Variants in GPC6 observed in about 807,000 individuals in gnomAD.
GPC6 encodes the protein glypican-6.
In GPC6, 14 loss-of-function variants were observed where a neutral mutation model predicts 55.2. That is an observed-to-expected ratio of 0.25 (90% CI 0.17 to 0.40). The LOEUF is 0.40. Among genes scored for constraint, GPC6 ranks in the 10% least tolerant of loss-of-function variants. GPC6 has a pLI of 1.00. For synonymous variants in GPC6, 278 were observed against 259.6 expected, an observed-to-expected ratio of 1.07 and a Z score of -0.68; for missense variants, 641 against 708.5, an observed-to-expected ratio of 0.90 and a Z score of 1.08.
At chr13:93,507,379 A>G (rs1273440861) in intron 1 of GPC6, among the ~76,000 whole-genome samples, 1 of 152,176 alleles carries the variant, frequency 6.6e-6, no homozygotes, top group Non-Finnish European at 1.5e-5. Context: ...CTTAGATACC[A>G]TCAACTCTTC....
At chr13:93,283,508 A>G (rs1878015734) in intron 1 of GPC6, among the ~76,000 whole-genome samples, 2 of 152,112 alleles carry the variant, frequency 1.3e-5, no homozygotes, top group Non-Finnish European at 2.9e-5. Flanking sequence ...ACAGATCTAA[A>G]CTCATATGAC....
intron 4 of GPC6, among the ~76,000 whole-genome samples, chr13:94,053,416 G>C (rs1422393818): frequency 1.3e-5 from 2 of 152,034 alleles, no homozygotes; most frequent in Admixed American, 6.6e-5. Context: ...TGAGCTTTTG[G>C]GGGCTAAAAG....
intron 1 of GPC6, among the ~76,000 whole-genome samples, chr13:93,348,899 AT>A (rs916752214): frequency 5.3e-5 from 8 of 152,104 alleles, no homozygotes; most frequent in East Asian, 1.9e-4. Context: ...AACATGGGAT[AT>A]TTTTTTCCCC....
At chr13:93,317,645 C>A (rs557563677) in intron 1 of GPC6, among the ~76,000 whole-genome samples, 5 of 152,232 alleles carry the variant, frequency 3.3e-5, no homozygotes, top group African/African-American at 9.6e-5. Context: ...AATGCTGAAC[C>A]TCTGTGGTGC....
intron 3 of GPC6, among the ~76,000 whole-genome samples, chr13:93,863,376 T>C (rs976385753): frequency 5.9e-5 from 9 of 151,758 alleles, no homozygotes; most frequent in African/African-American, 2.2e-4. Context: ...ACAATTCATG[T>C]TCACCAATTT....
At chr13:93,890,642 A>T (rs1875618791) in intron 3 of GPC6, among the ~76,000 whole-genome samples, 1 of 151,716 alleles carries the variant, frequency 6.6e-6, no homozygotes, top group African/African-American at 2.4e-5. Context: ...ATACATCAGT[A>T]ATTTGTACCA....
intron 4 of GPC6, among the ~76,000 whole-genome samples, chr13:94,180,249 C>T (rs1888942935): frequency 6.6e-6 from 1 of 152,114 alleles, no homozygotes; most frequent in Non-Finnish European, 1.5e-5. Flanking sequence ...GTTCTTAGTT[C>T]CTGGGTTCAT....
chr13:94,220,070 T>A (rs567884488), intron 4 of GPC6, among the ~76,000 whole-genome samples: 29 of 152,246 alleles, frequency 1.9e-4, no homozygotes. Context: ...GTAGGTCCAG[T>A]TTACAGCTAG....
At chr13:94,106,201 C>G (rs1043959044) in intron 4 of GPC6, among the ~76,000 whole-genome samples, 5 of 151,864 alleles carry the variant, frequency 3.3e-5, no homozygotes, top group Non-Finnish European at 7.4e-5. Context: ...GAAAGGGTAG[C>G]TCCCACGACC....
chr13:93,632,142 T>C (rs904523228), intron 2 of GPC6, among the ~76,000 whole-genome samples: 3 of 152,200 alleles, frequency 2.0e-5, no homozygotes, highest in Non-Finnish European at 4.4e-5. Context: ...GTTTAAAACA[T>C]TGGATTGCCT....
chr13:93,576,778 A>G (rs1328125144), intron 2 of GPC6, among the ~76,000 whole-genome samples: 2 of 152,196 alleles, frequency 1.3e-5, no homozygotes, highest in Non-Finnish European at 2.9e-5. Context: ...ATAATTTCAT[A>G]TAATTTCCAT....
intron 2 of GPC6, among the ~76,000 whole-genome samples, chr13:93,809,687 C>G (rs1594475986): frequency 1.3e-5 from 2 of 152,208 alleles, no homozygotes; most frequent in African/African-American, 4.8e-5. Context: ...AGGCAACTGA[C>G]AGCTGCCACC....
At chr13:94,043,080 C>T (rs986233914) in intron 4 of GPC6, among the ~76,000 whole-genome samples, 1 of 151,724 alleles carries the variant, frequency 6.6e-6, no homozygotes, top group African/African-American at 2.4e-5. Flanking sequence ...CTGACATGGT[C>T]CCCATCATTT....
intron 2 of GPC6, among the ~76,000 whole-genome samples, chr13:93,735,719 C>A (rs569968884): frequency 1.2e-4 from 18 of 152,266 alleles, no homozygotes; most frequent in African/African-American, 3.4e-4. Flanking sequence ...ATAATCACTA[C>A]CTGTAACAAG....
At chr13:94,226,643 C>G (rs117384431) in intron 4 of GPC6, among the ~76,000 whole-genome samples, 3,489 of 152,292 alleles carry the variant, frequency 0.023, 70 homozygotes, top group Non-Finnish European at 0.036. Context: ...ACATACATCA[C>G]AGTGGCCTCC....
At chr13:93,660,112 G>A (rs1880861582) in intron 2 of GPC6, among the ~76,000 whole-genome samples, 1 of 151,892 alleles carries the variant, frequency 6.6e-6, no homozygotes, top group Non-Finnish European at 1.5e-5. Context: ...TTAATATATT[G>A]TGTCTATTTT....
At chr13:94,224,748 G>A (rs1890494267) in intron 4 of GPC6, among the ~76,000 whole-genome samples, 1 of 152,088 alleles carries the variant, frequency 6.6e-6, no homozygotes, top group South Asian at 2.1e-4. Context: ...ATAAGCAGAT[G>A]TTATTATTCT....
intron 4 of GPC6, among the ~76,000 whole-genome samples, chr13:94,083,348 G>C (rs1367473007): frequency 6.6e-6 from 1 of 152,144 alleles, no homozygotes; most frequent in East Asian, 1.9e-4. Context: ...TCGATCTCCT[G>C]ACCTTGTGAT....
intron 1 of GPC6, among the ~76,000 whole-genome samples, chr13:93,386,696 G>T (rs1875421420): frequency 6.6e-6 from 1 of 152,142 alleles, no homozygotes; most frequent in Non-Finnish European, 1.5e-5. Context: ...ACAATAAATT[G>T]TCACACACTA....
Sources: allele counts gnomAD v4.1 joint callset (sites outside exome capture counted in the v4.1 genomes callset), GRCh38; gene constraint gnomAD v4.1.1; transcripts MANE v1.5; gene names NCBI Gene and HGNC (gene_info 2026-07-23, HGNC 2026-07-21).